The following NAALADL2 variants were observed in gnomAD, a reference collection of about 807,000 sequenced individuals.
The protein encoded by NAALADL2 is inactive N-acetylated-alpha-linked acidic dipeptidase-like protein 2.
A neutral mutation model predicts 87.2 loss-of-function variants in NAALADL2; 76 were observed. That is an observed-to-expected ratio of 0.87 (90% confidence interval 0.72 to 1.05). NAALADL2 has a LOEUF of 1.05. NAALADL2 is among the 50% of genes least tolerant of loss of function. The pLI is 0.00. For missense variants in NAALADL2, 1,089 were observed against 945.8 expected (o/e 1.15, Z -1.99); for synonymous variants, 354 against 331.0 (o/e 1.07, Z -0.75).
intron 2 of NAALADL2, among the ~76,000 whole-genome samples, chr3:175,157,464 A>G (rs1170728513): frequency 6.6e-6 from 1 of 152,118 alleles, no homozygotes; most frequent in Non-Finnish European, 1.5e-5. Context: ...AACCTGACAC[A>G]CAATAAGCAT....
chr3:175,524,102 T>C (rs1212994312), intron 9 of NAALADL2, among the ~76,000 whole-genome samples: 4 of 152,190 alleles, frequency 2.6e-5, no homozygotes, highest in Admixed American at 2.0e-4. Context: ...CCACACAGGC[T>C]TTGTCTTATA....
At chr3:174,488,977 T>C (rs1218010302) in intron 1 of NAALADL2, among the ~76,000 whole-genome samples, 1 of 152,068 alleles carries the variant, frequency 6.6e-6, no homozygotes, top group Non-Finnish European at 1.5e-5. Flanking sequence ...CATACTCCCC[T>C]TTCTAACATG....
chr3:174,534,943 A>T lies in NAALADL2; in HGVS notation c.-183-15626A>T, dbSNP rs184716330. On this transcript the variant is annotated intron_variant, in intron 1 of 3. Transcript: ENST00000434257. ...AATCATCTGAGGAATGTTAAAAAAT[A>T]TATTGATTTAACTGGTCTGGAGTTA... 4.9e-4 allele frequency among the ~76,000 whole-genome samples: 74 copies of T among 152,340 alleles called. No individual in the cohort carries two copies. The East Asian group carries it at 0.01, about 21-fold the overall frequency.
chr3:175,554,815 C>T (rs1238400712), intron 9 of NAALADL2, among the ~76,000 whole-genome samples: 1 of 151,990 alleles, frequency 6.6e-6, no homozygotes, highest in Non-Finnish European at 1.5e-5. Flanking sequence ...ATAAACACAG[C>T]TGTATGAATT....
At chr3:175,444,088 TAGGA>T (rs1238275455) in intron 5 of NAALADL2, among the ~76,000 whole-genome samples, 1 of 152,108 alleles carries the variant, frequency 6.6e-6, no homozygotes, top group Non-Finnish European at 1.5e-5. Context: ...AGAAAACTGA[TAGGA>T]AGTAATATTG....
At chr3:174,631,454 A>G (rs1406983070) in intron 2 of NAALADL2, among the ~76,000 whole-genome samples, 4 of 152,174 alleles carry the variant, frequency 2.6e-5, no homozygotes, top group African/African-American at 4.8e-5. Context: ...CTGTTCTGCA[A>G]TGACAAAATG....
intron 6 of NAALADL2, among the ~76,000 whole-genome samples, chr3:175,461,145 TA>T (rs1723067678): frequency 6.6e-6 from 1 of 152,176 alleles, no homozygotes; most frequent in African/African-American, 2.4e-5. Context: ...ATCCTTTAGC[TA>T]GACACAGAAT....
At chr3:175,182,495 C>CT (rs1489998732) in intron 2 of NAALADL2, among the ~76,000 whole-genome samples, 6 of 150,672 alleles carry the variant, frequency 4.0e-5, no homozygotes, top group African/African-American at 1.5e-4. Context: ...TCAAGCAGCC[C>CT]TTCCAACTGA....
At chr3:175,748,212 T>A (rs1464327121) in intron 12 of NAALADL2, among the ~76,000 whole-genome samples, 1 of 152,210 alleles carries the variant, frequency 6.6e-6, no homozygotes, top group Non-Finnish European at 1.5e-5. Flanking sequence ...GCTCTCACAT[T>A]TTTTCACTAC....
At chr3:174,664,641 G>C (rs1725802673) in intron 2 of NAALADL2, among the ~76,000 whole-genome samples, 1 of 152,138 alleles carries the variant, frequency 6.6e-6, no homozygotes, top group Non-Finnish European at 1.5e-5. Flanking sequence ...TGGTTATCCA[G>C]TCAGAGTGTT....
intron 11 of NAALADL2, among the ~76,000 whole-genome samples, chr3:175,707,672 A>G (rs975797427): frequency 4.6e-5 from 7 of 152,066 alleles, no homozygotes; most frequent in Non-Finnish European, 7.4e-5. Flanking sequence ...GTTTATAGAG[A>G]TATTATGGGA....
intron 2 of NAALADL2, among the ~76,000 whole-genome samples, chr3:174,673,072 A>G (rs1031934488): frequency 2.0e-5 from 3 of 152,200 alleles, no homozygotes; most frequent in African/African-American, 7.2e-5. Context: ...ATGTGTTATT[A>G]AAGAAAGAAA....
At chr3:175,101,418 T>G (rs1722146517) in intron 2 of NAALADL2, among the ~76,000 whole-genome samples, 1 of 152,218 alleles carries the variant, frequency 6.6e-6, no homozygotes, top group Non-Finnish European at 1.5e-5. Flanking sequence ...CATGTTTACC[T>G]AGGACGGTTG....
intron 5 of NAALADL2, among the ~76,000 whole-genome samples, chr3:175,399,815 T>G (rs1358728480): frequency 6.6e-6 from 1 of 152,134 alleles, no homozygotes; most frequent in Admixed American, 6.6e-5. Flanking sequence ...CGGCTCCTGT[T>G]GAAGATGCAG....
intron 1 of NAALADL2, among the ~76,000 whole-genome samples, chr3:174,957,288 A>G (rs1430171973): frequency 6.6e-6 from 1 of 151,964 alleles, no homozygotes; most frequent in African/African-American, 2.4e-5. Context: ...GAGACAGCAC[A>G]ATGAGTCAGA....
chr3:175,027,132 A>G (rs1401243028), intron 1 of NAALADL2, among the ~76,000 whole-genome samples: 2 of 152,092 alleles, frequency 1.3e-5, no homozygotes, highest in African/African-American at 2.4e-5. Context: ...TACCCTACAC[A>G]CGTATACACC....
At chr3:175,062,140 C>T (rs1713632040) in intron 1 of NAALADL2, among the ~76,000 whole-genome samples, 1 of 152,066 alleles carries the variant, frequency 6.6e-6, no homozygotes, top group South Asian at 2.1e-4. Flanking sequence ...TAAATGTCTA[C>T]TGCTTTGAAT....
intron 11 of NAALADL2, among the ~76,000 whole-genome samples, chr3:175,693,550 TTAAAC>T (rs1165250087): frequency 6.6e-6 from 1 of 152,166 alleles, no homozygotes; most frequent in African/African-American, 2.4e-5. Flanking sequence ...TTCTAGTTCT[TTAAAC>T]TAAGAAGCTA....
intron 1 of NAALADL2, among the ~76,000 whole-genome samples, chr3:175,016,414 T>C (rs1355355036): frequency 6.6e-6 from 1 of 151,286 alleles, no homozygotes; most frequent in East Asian, 1.9e-4. Context: ...ATTGAAAAAA[T>C]ACTGATTATA....
Sources: allele counts gnomAD v4.1 joint callset (sites outside exome capture counted in the v4.1 genomes callset), GRCh38; gene constraint gnomAD v4.1.1; transcripts MANE v1.5; gene names NCBI Gene and HGNC (gene_info 2026-07-23, HGNC 2026-07-21).